Variants in MEIS2 observed in about 807,000 individuals in gnomAD.
MEIS2 encodes the protein homeobox protein Meis2.
Under a neutral mutation model 58.6 loss-of-function variants are expected in MEIS2, and 9 were observed. That is an observed-to-expected ratio of 0.15 (90% confidence interval 0.09 to 0.27). MEIS2 has a LOEUF of 0.27. MEIS2 is among the 10% of genes least tolerant of loss of function. The pLI is 1.00. For missense variants in MEIS2, 427 were observed against 635.0 expected, an observed-to-expected ratio of 0.67 and a Z score of 3.52; for synonymous variants, 221 against 228.4, an observed-to-expected ratio of 0.97 and a Z score of 0.29.
chr15:37,003,516 G>A (rs1260990339), intron 8 of MEIS2, among the ~76,000 whole-genome samples: 2 of 151,980 alleles, frequency 1.3e-5, no homozygotes, highest in East Asian at 3.9e-4. Context: ...GAACATGTTG[G>A]ACTCCATATG....
intron 8 of MEIS2, among the ~76,000 whole-genome samples, chr15:37,013,336 C>T (rs1184113042): frequency 1.3e-5 from 2 of 151,912 alleles, no homozygotes; most frequent in Admixed American, 6.6e-5. Context: ...TTTAGGAGGC[C>T]GAGGTGGATG....
chr15:37,094,420 T>C, intron 5 of MEIS2, 107 bp downstream of exon 5: 3 of 1,062,650 alleles, frequency 2.8e-6, no homozygotes, highest in Non-Finnish European at 4.2e-6. Flanking sequence ...ATGCTCAAAA[T>C]CTCCAGGTGC....
intron 7 of MEIS2, among the ~76,000 whole-genome samples, chr15:37,044,504 C>G (rs1284794971): frequency 1.3e-5 from 2 of 152,184 alleles, no homozygotes; most frequent in Admixed American, 6.5e-5. Flanking sequence ...GCAGAAACAT[C>G]TGCTGAATTT....
chr15:37,016,609 T>C (rs1328820719), intron 8 of MEIS2, among the ~76,000 whole-genome samples: 1 of 152,182 alleles, frequency 6.6e-6, no homozygotes, highest in Non-Finnish European at 1.5e-5. Flanking sequence ...TAGAGTACCC[T>C]GGGATTGTGT....
chr15:36,965,773 G>A (rs1449937814), intron 8 of MEIS2, among the ~76,000 whole-genome samples: 1 of 152,146 alleles, frequency 6.6e-6, no homozygotes, highest in African/African-American at 2.4e-5. Flanking sequence ...GCTAATGTCT[G>A]CAACACACTG....
chr15:36,928,082 A>G (rs1009541872), intron 9 of MEIS2, among the ~76,000 whole-genome samples: 13 of 152,292 alleles, frequency 8.5e-5, no homozygotes, highest in Middle Eastern at 3.4e-3. Flanking sequence ...TTATTTTCAG[A>G]ATGCCTCTGT....
At chr15:36,986,388 A>G (rs2141531208) in intron 8 of MEIS2, among the ~76,000 whole-genome samples, 1 of 152,256 alleles carries the variant, frequency 6.6e-6, no homozygotes, top group East Asian at 1.9e-4. Flanking sequence ...GCAATTAGGG[A>G]GCACTAGAGG....
chr15:37,090,734 G>C lies in MEIS2; in HGVS notation c.639+2847C>G, dbSNP rs1179293852. 2.6e-5 allele frequency among the ~76,000 whole-genome samples: 4 copies of C among 152,244 alleles called. No homozygotes were observed. In the East Asian group the frequency reaches 7.7e-4, roughly 29 times the overall value. ...ACTTAATAAGAGTAGAGGTGTATGT[G>C]TTTTGGGGGTGTCAAACAGCTGTCA... On this transcript the variant is annotated intron_variant, in intron 6 of 11. Coordinates refer to ENST00000561208, the MANE Select transcript of MEIS2 (RefSeq NM_170675.5).
At chr15:36,926,445 A>G (rs1206834822) in intron 9 of MEIS2, among the ~76,000 whole-genome samples, 1 of 152,246 alleles carries the variant, frequency 6.6e-6, no homozygotes, top group African/African-American at 2.4e-5. Flanking sequence ...GACTATTCAC[A>G]TTAATATTTT....
At chr15:37,011,058 T>C (rs949591591) in intron 8 of MEIS2, among the ~76,000 whole-genome samples, 1 of 152,210 alleles carries the variant, frequency 6.6e-6, no homozygotes, top group African/African-American at 2.4e-5. Flanking sequence ...CAGGGAAAGA[T>C]TTATTGAACT....
chr15:37,055,496 A>G (rs1180738814), intron 7 of MEIS2, among the ~76,000 whole-genome samples: 2 of 152,308 alleles, frequency 1.3e-5, no homozygotes, highest in African/African-American at 4.8e-5. Context: ...ACATTAAACA[A>G]CATTACTCGA....
chr15:36,985,032 T>C (rs969485768), intron 8 of MEIS2, among the ~76,000 whole-genome samples: 3 of 152,156 alleles, frequency 2.0e-5, no homozygotes, highest in Admixed American at 2.0e-4. Context: ...TACCCTTAGT[T>C]TAATTGAACT....
At chr15:37,014,505 G>C (rs546477062) in intron 8 of MEIS2, among the ~76,000 whole-genome samples, 75 of 152,186 alleles carry the variant, frequency 4.9e-4, no homozygotes, top group African/African-American at 1.8e-3. Context: ...TAAGAATGGG[G>C]GATAAAAATC....
intron 8 of MEIS2, among the ~76,000 whole-genome samples, chr15:36,995,895 A>G (rs2060476642): frequency 6.9e-6 from 1 of 144,902 alleles, no homozygotes; most frequent in Admixed American, 7.1e-5. Flanking sequence ...ATTTTTCATT[A>G]TCCATTCTGA....
At chr15:36,986,341 G>A (rs1441471617) in intron 8 of MEIS2, among the ~76,000 whole-genome samples, 1 of 152,194 alleles carries the variant, frequency 6.6e-6, no homozygotes, top group Admixed American at 6.5e-5. Flanking sequence ...ACTACAAACT[G>A]CATTTCGCCT....
At chr15:37,093,992 A>C (rs1893871456) in intron 5 of MEIS2, 1 of 439,870 alleles carries the variant, frequency 2.3e-6, no homozygotes, top group Non-Finnish European at 4.1e-6. Context: ...CAGGACTGGA[A>C]ATAACTGGGT....
chr15:37,088,959 C>G (rs915418645), intron 6 of MEIS2, among the ~76,000 whole-genome samples: 3 of 152,028 alleles, frequency 2.0e-5, no homozygotes, highest in Non-Finnish European at 4.4e-5. Flanking sequence ...CAATTACAAC[C>G]TTTGTTTAAT....
rs2055832007 is a variant in MEIS2, at chr15:36,891,181, A to C, written c.*992T>G. The C allele has an allele frequency of 6.6e-6, 1 of 152,632 alleles. No homozygotes were observed. Among genetic ancestry groups the C allele is most frequent in the Non-Finnish European group, 1.5e-5 (1 of 68,036 alleles). 9.5% of individuals were successfully genotyped at this position (152,632 alleles called of 1,614,324 possible). ...CTTCTAGTGAGGAACACGTGCTGAG[A>C]AAAGAAGAATTCATGGACATACAAT... On this transcript the variant is annotated 3_prime_UTR_variant, in exon 12 of 12. Coordinates refer to ENST00000561208, the MANE Select transcript of MEIS2 (RefSeq NM_170675.5).
chr15:37,056,226 T>C (rs1482662210), intron 7 of MEIS2, among the ~76,000 whole-genome samples: 2 of 152,218 alleles, frequency 1.3e-5, no homozygotes, highest in East Asian at 3.9e-4. Flanking sequence ...CTTCTGTGAC[T>C]GCCAAGAGGT....
Sources: allele counts gnomAD v4.1 joint callset (sites outside exome capture counted in the v4.1 genomes callset), GRCh38; gene constraint gnomAD v4.1.1; transcripts MANE v1.5; gene names NCBI Gene and HGNC (gene_info 2026-07-23, HGNC 2026-07-21).